Variants in TOX observed in about 807,000 individuals in gnomAD.
TOX encodes the protein thymocyte selection-associated high mobility group box protein TOX.
Under a neutral mutation model 53.7 loss-of-function variants are expected in TOX, and 11 were observed. The observed-to-expected ratio is 0.20, with a 90% CI of 0.13 to 0.34. The LOEUF (loss-of-function observed/expected upper bound fraction) is 0.34. Among genes scored for constraint, TOX ranks in the 10% least tolerant of loss-of-function variants. The probability of loss-of-function intolerance (pLI) is 1.00; values close to 1 mark genes in which losing one functional copy is unlikely to be tolerated. For missense variants in TOX, 570 were observed against 664.6 expected, an observed-to-expected ratio of 0.86 and a Z score of 1.56; for synonymous variants, 225 against 245.3, an observed-to-expected ratio of 0.92 and a Z score of 0.77.
intron 1 of TOX, among the ~76,000 whole-genome samples, chr8:59,025,663 G>A (rs987176587): frequency 6.6e-5 from 10 of 152,014 alleles, no homozygotes; most frequent in Admixed American, 2.6e-4. Context: ...TCTCTCAATC[G>A]GCCTGGTGAC....
intron 1 of TOX, among the ~76,000 whole-genome samples, chr8:59,061,317 G>A (rs1803980419): frequency 6.6e-6 from 1 of 152,076 alleles, no homozygotes; most frequent in Admixed American, 6.6e-5. Context: ...AGAAACCAAA[G>A]CAATTGGTAC....
chr8:58,983,683 T>G (rs1180279706), intron 1 of TOX, among the ~76,000 whole-genome samples: 2 of 152,248 alleles, frequency 1.3e-5, no homozygotes, highest in African/African-American at 4.8e-5. Context: ...TTTTTCTCAG[T>G]GCCCCTTTAT....
chr8:58,940,416 G>A (rs1039181838), intron 2 of TOX, among the ~76,000 whole-genome samples: 5 of 151,914 alleles, frequency 3.3e-5, no homozygotes, highest in South Asian at 4.2e-4. Context: ...AAGATTATGT[G>A]AGGACATGCC....
At chr8:59,070,418 T>C (rs1804174879) in intron 1 of TOX, among the ~76,000 whole-genome samples, 1 of 150,872 alleles carries the variant, frequency 6.6e-6, no homozygotes, top group African/African-American at 2.4e-5. Context: ...TTAGAAGGAG[T>C]TAGAAACATC....
At chr8:58,860,581 C>T (rs1037455487) in intron 3 of TOX, among the ~76,000 whole-genome samples, 2 of 152,164 alleles carry the variant, frequency 1.3e-5, no homozygotes, top group African/African-American at 4.8e-5. Flanking sequence ...CGGTTATTAT[C>T]CTTGAGTTGC....
intron 1 of TOX, among the ~76,000 whole-genome samples, chr8:58,978,033 C>T (rs1343685354): frequency 2.0e-5 from 3 of 152,180 alleles, no homozygotes; most frequent in African/African-American, 4.8e-5. Context: ...AAAAACACAA[C>T]ACTTGTGAAG....
At chr8:58,987,864 C>T (rs1813362131) in intron 1 of TOX, among the ~76,000 whole-genome samples, 1 of 152,106 alleles carries the variant, frequency 6.6e-6, no homozygotes, top group Non-Finnish European at 1.5e-5. Context: ...TGGGTGGTTC[C>T]CCACTCCCAA....
chr8:58,931,760 T>C (rs1812258117), intron 3 of TOX, among the ~76,000 whole-genome samples: 1 of 152,192 alleles, frequency 6.6e-6, no homozygotes, highest in African/African-American at 2.4e-5. Context: ...TTATAGCATA[T>C]TATATAACTG....
chr8:59,092,737 T>C (rs187366033), intron 1 of TOX, among the ~76,000 whole-genome samples: 44 of 152,252 alleles, frequency 2.9e-4, no homozygotes, highest in African/African-American at 9.4e-4. Flanking sequence ...GAAGTTTTCT[T>C]TGAGATCCAG....
chr8:58,829,184 T>C (rs1810412305), intron 5 of TOX, among the ~76,000 whole-genome samples: 2 of 152,174 alleles, frequency 1.3e-5, no homozygotes, highest in African/African-American at 4.8e-5. Flanking sequence ...GCTATCCCTT[T>C]GTTGAGCTCC....
chr8:58,913,526 A>G (rs1242723650), intron 3 of TOX, among the ~76,000 whole-genome samples: 2 of 151,826 alleles, frequency 1.3e-5, no homozygotes, highest in Non-Finnish European at 2.9e-5. Context: ...CTTGTTTTCC[A>G]TTTTCTCTTT....
intron 1 of TOX, among the ~76,000 whole-genome samples, chr8:59,093,696 T>C (rs1804664356): frequency 6.6e-6 from 1 of 152,210 alleles, no homozygotes; most frequent in African/African-American, 2.4e-5. Context: ...TGCTTGAAAA[T>C]ACATTCTTGC....
intron 1 of TOX, among the ~76,000 whole-genome samples, chr8:59,001,985 T>C (rs1225247930): frequency 6.7e-6 from 1 of 149,358 alleles, no homozygotes; most frequent in Non-Finnish European, 1.5e-5. Flanking sequence ...TTTTTTTTTT[T>C]TTTTTTGAGA....
chr8:59,061,226 G>C (rs945060395), intron 1 of TOX, among the ~76,000 whole-genome samples: 1 of 152,224 alleles, frequency 6.6e-6, no homozygotes, highest in Non-Finnish European at 1.5e-5. Flanking sequence ...ATAAAATCAT[G>C]TTATTAAATG....
chr8:58,852,896 T>A (rs541903496), intron 3 of TOX, among the ~76,000 whole-genome samples: 1 of 152,366 alleles, frequency 6.6e-6, no homozygotes, highest in East Asian at 1.9e-4. Flanking sequence ...AAGTATCAGA[T>A]GTTTAGCAAT....
intron 1 of TOX, among the ~76,000 whole-genome samples, chr8:59,089,440 G>T (rs1468938470): frequency 6.6e-6 from 1 of 152,158 alleles, no homozygotes; most frequent in South Asian, 2.1e-4. Flanking sequence ...GTTCCTGCAA[G>T]TCCCTCATAC....
At chr8:58,934,364 A>T (rs145818724) in intron 3 of TOX, among the ~76,000 whole-genome samples, 324 of 152,338 alleles carry the variant, frequency 2.1e-3, no homozygotes, top group African/African-American at 7.2e-3. Flanking sequence ...TATGTCTATG[A>T]TAAATTCCAG....
At chr8:58,973,811 T>G (rs748787870) in intron 1 of TOX, among the ~76,000 whole-genome samples, 2 of 152,128 alleles carry the variant, frequency 1.3e-5, no homozygotes, top group Non-Finnish European at 2.9e-5. Context: ...TTTCTTTTTT[T>G]TTTTGAAATG....
chr8:58,819,651 A>G (rs1004053080), intron 6 of TOX, among the ~76,000 whole-genome samples: 8 of 152,252 alleles, frequency 5.3e-5, no homozygotes, highest in African/African-American at 1.7e-4. Flanking sequence ...GGTAGCTTCA[A>G]TCCCATTTAC....
Sources: allele counts gnomAD v4.1 joint callset (sites outside exome capture counted in the v4.1 genomes callset), GRCh38; gene constraint gnomAD v4.1.1; transcripts MANE v1.5; gene names NCBI Gene and HGNC (gene_info 2026-07-23, HGNC 2026-07-21).